UNC5D: variants seen among roughly 807,000 people sequenced by gnomAD.
UNC5D encodes the protein netrin receptor UNC5D.
In UNC5D, 39 loss-of-function variants were observed where a neutral mutation model predicts 105.4. The ratio of observed to expected loss-of-function variants is 0.37; its 90% CI spans 0.29 to 0.48. The LOEUF (loss-of-function observed/expected upper bound fraction) is 0.48. Ranked by LOEUF, UNC5D falls within the 20% of genes least tolerant of loss-of-function variation. The pLI is 0.98. For synonymous variants in UNC5D, 452 were observed against 450.4 expected (o/e 1.00, Z -0.04); for missense variants, 991 against 1,202.4 (o/e 0.82, Z 2.60).
intron 11 of UNC5D, among the ~76,000 whole-genome samples, chr8:35,741,374 T>C (rs1452683966): frequency 6.6e-6 from 1 of 151,164 alleles, no homozygotes; most frequent in East Asian, 2.0e-4. Context: ...TTTCAGATAA[T>C]AGCGTGTGGG....
chr8:35,583,048 T>C (rs1818556291), intron 3 of UNC5D, among the ~76,000 whole-genome samples: 1 of 152,146 alleles, frequency 6.6e-6, no homozygotes, highest in African/African-American at 2.4e-5. Flanking sequence ...AAGGGATACT[T>C]GACAACAGGA....
chr8:35,350,401 T>C (rs2128909375), intron 1 of UNC5D, among the ~76,000 whole-genome samples: 1 of 152,180 alleles, frequency 6.6e-6, no homozygotes, highest in Non-Finnish European at 1.5e-5. Context: ...TCTTTGTCTA[T>C]TTCATTCATG....
At chr8:35,291,277 T>C (rs1034936660) in intron 1 of UNC5D, among the ~76,000 whole-genome samples, 1 of 152,218 alleles carries the variant, frequency 6.6e-6, no homozygotes. Flanking sequence ...AAATGGGAAC[T>C]GATAGAGAGC....
At chr8:35,238,069 G>C (rs7002997) in intron 1 of UNC5D, among the ~76,000 whole-genome samples, 1 of 152,122 alleles carries the variant, frequency 6.6e-6, no homozygotes, top group Non-Finnish European at 1.5e-5. Context: ...AATAGTTTTT[G>C]TTCTTTAGGA....
intron 8 of UNC5D, among the ~76,000 whole-genome samples, chr8:35,708,707 C>G (rs1827756645): frequency 6.6e-6 from 1 of 152,020 alleles, no homozygotes; most frequent in South Asian, 2.1e-4. Flanking sequence ...TTAGCTTTTC[C>G]CTGGAAAATG....
intron 1 of UNC5D, among the ~76,000 whole-genome samples, chr8:35,300,303 CTGGTTG>C (rs1807841187): frequency 6.6e-6 from 1 of 151,690 alleles, no homozygotes; most frequent in East Asian, 1.9e-4. Flanking sequence ...CAAAAATTAG[CTGGTTG>C]TGGTGGCACG....
intron 1 of UNC5D, among the ~76,000 whole-genome samples, chr8:35,376,153 T>C (rs969884862): frequency 6.6e-6 from 1 of 152,214 alleles, no homozygotes; most frequent in Non-Finnish European, 1.5e-5. Context: ...AAAGAGTAAG[T>C]GATATGCTGT....
intron 1 of UNC5D, among the ~76,000 whole-genome samples, chr8:35,402,024 A>G (rs1203968504): frequency 6.6e-6 from 1 of 152,180 alleles, no homozygotes; most frequent in Non-Finnish European, 1.5e-5. Flanking sequence ...CACTCTGATC[A>G]TTCTGTGCAT....
At chr8:35,373,599 A>AG (rs1304796549) in intron 1 of UNC5D, among the ~76,000 whole-genome samples, 1 of 152,162 alleles carries the variant, frequency 6.6e-6, no homozygotes, top group Non-Finnish European at 1.5e-5. Context: ...CATGCAGCCG[A>AG]GGGGCTCCCT....
chr8:35,729,798 A>G (rs1237342110), intron 10 of UNC5D, among the ~76,000 whole-genome samples: 1 of 152,166 alleles, frequency 6.6e-6, no homozygotes, highest in African/African-American at 2.4e-5. Context: ...ATATAAATGG[A>G]CCTCCATAAG....
chr8:35,691,898 T>A (rs1370360073), intron 7 of UNC5D, among the ~76,000 whole-genome samples: 1 of 152,098 alleles, frequency 6.6e-6, no homozygotes, highest in Non-Finnish European at 1.5e-5. Flanking sequence ...CCCCAGCAGA[T>A]ATAAAACTAA....
At chr8:35,241,180 A>C (rs574523453) in intron 1 of UNC5D, among the ~76,000 whole-genome samples, 3 of 152,350 alleles carry the variant, frequency 2.0e-5, no homozygotes, top group Admixed American at 2.0e-4. Context: ...TCATTTATAG[A>C]AAATAGATAT....
intron 4 of UNC5D, among the ~76,000 whole-genome samples, chr8:35,622,707 A>T (rs1012348956): frequency 6.6e-6 from 1 of 152,220 alleles, no homozygotes; most frequent in African/African-American, 2.4e-5. Flanking sequence ...TGTCCACAGC[A>T]TTCCATTCAC....
intron 4 of UNC5D, among the ~76,000 whole-genome samples, chr8:35,634,669 A>G (rs1361952324): frequency 2.6e-5 from 4 of 152,162 alleles, no homozygotes; most frequent in African/African-American, 7.2e-5. Context: ...GATGGCACAT[A>G]TTGATTTTCA....
chr8:35,553,277 G>T (rs905268172), intron 2 of UNC5D, among the ~76,000 whole-genome samples: 1 of 151,342 alleles, frequency 6.6e-6, no homozygotes, highest in Non-Finnish European at 1.5e-5. Context: ...GCATTGCTAG[G>T]CAACTCCATG....
chr8:35,701,948 T>C lies in UNC5D; in HGVS notation c.1085-3981T>C, dbSNP rs184700036. On this transcript the variant is annotated intron_variant, in intron 7 of 16. Coordinates refer to ENST00000404895, the MANE Select transcript of UNC5D (RefSeq NM_080872.4). ...ATATATTTTATTTTGGATGCACAAC[T>C]ACCTAGTAACTGTGTAAGGATAAAA... 1.7e-4 allele frequency among the ~76,000 whole-genome samples: 25 copies of C among 149,736 alleles called. No homozygotes were observed. The East Asian group carries it at 4.7e-3, about 28-fold the overall frequency.
intron 1 of UNC5D, among the ~76,000 whole-genome samples, chr8:35,308,320 G>C (rs555627779): frequency 1.3e-5 from 2 of 152,000 alleles, no homozygotes; most frequent in East Asian, 3.9e-4. Context: ...AATCTCATCT[G>C]GGATTCCATT....
At chr8:35,256,773 G>C (rs774471777) in intron 1 of UNC5D, among the ~76,000 whole-genome samples, 1 of 152,036 alleles carries the variant, frequency 6.6e-6, no homozygotes, top group Admixed American at 6.6e-5. Context: ...GATGGACATA[G>C]AATTGTCCAG....
intron 11 of UNC5D, among the ~76,000 whole-genome samples, chr8:35,734,370 T>C (rs1829353449): frequency 6.9e-6 from 1 of 144,990 alleles, no homozygotes; most frequent in African/African-American, 2.6e-5. Context: ...AAAGCCTGTC[T>C]CATTTCCCAA....
Sources: allele counts gnomAD v4.1 joint callset (sites outside exome capture counted in the v4.1 genomes callset), GRCh38; gene constraint gnomAD v4.1.1; transcripts MANE v1.5; gene names NCBI Gene and HGNC (gene_info 2026-07-23, HGNC 2026-07-21).